The following ZPBP variants were observed in gnomAD, a reference collection of about 807,000 sequenced individuals.
ZPBP encodes zona pellucida binding protein.
A neutral mutation model predicts 44.8 loss-of-function variants in ZPBP; 26 were observed. The observed-to-expected ratio is 0.58, with a 90% CI of 0.43 to 0.81. The LOEUF (loss-of-function observed/expected upper bound fraction) is 0.81, where lower values mean the gene tolerates loss of function less well. Among genes scored for constraint, ZPBP ranks in the 30% least tolerant of loss-of-function variants. The pLI, the probability that ZPBP is intolerant of heterozygous loss-of-function variation, is 0.00. For synonymous variants in ZPBP, 174 were observed against 153.2 expected (o/e 1.14, Z -1.00); for missense variants, 409 against 434.0 (o/e 0.94, Z 0.51).
rs777010189 is a variant in ZPBP, at chr7:49,851,328, G to T, written n.510-814C>A. Among the ~76,000 whole-genome samples the T allele has an allele frequency of 2.6e-5, 4 of 152,214 alleles. No homozygotes were observed. In the East Asian group the frequency reaches 5.8e-4, roughly 22 times the overall value. On this transcript the variant is annotated intron_variant and non_coding_transcript_variant, in intron 2 of 2. Transcript: ENST00000465922. ...TTGCAAAAACCCTTTTCCAAATAAG[G>T]CCTCATTCATGGGTTCTCAGTGGAC...
At chr7:49,875,968 G>A (rs1362731127) in intron 2 of ZPBP, among the ~76,000 whole-genome samples, 1 of 152,158 alleles carries the variant, frequency 6.6e-6, no homozygotes, top group African/African-American at 2.4e-5. Flanking sequence ...AGAAATTGGT[G>A]TTGCATTGTG....
At chr7:49,979,108 C>T (rs796086320) in intron 7 of ZPBP, among the ~76,000 whole-genome samples, 5 of 151,698 alleles carry the variant, frequency 3.3e-5, no homozygotes, top group African/African-American at 1.2e-4. Flanking sequence ...CAAAATTCCC[C>T]CCCATAAACT....
At chr7:50,036,040 G>A (rs1033139277) in intron 4 of ZPBP, among the ~76,000 whole-genome samples, 2 of 152,176 alleles carry the variant, frequency 1.3e-5, no homozygotes, top group Non-Finnish European at 2.9e-5. Flanking sequence ...CACACCTGAA[G>A]AAACATTTGG....
At chr7:49,955,013 A>G (rs1351693) in intron 7 of ZPBP, among the ~76,000 whole-genome samples, 2,187 of 152,300 alleles carry the variant, frequency 0.014, 60 homozygotes, top group African/African-American at 0.05. Context: ...TTAATTGCAG[A>G]TTAACAAAAA....
chr7:49,917,869 T>G (rs965430809), intron 1 of ZPBP: 6 of 152,184 alleles, frequency 3.9e-5, no homozygotes, highest in African/African-American at 1.2e-4. Context: ...CCATTCCCTT[T>G]ACTTTTATAT....
intron 2 of ZPBP, among the ~76,000 whole-genome samples, chr7:49,892,037 T>C (rs1792156878): frequency 1.7e-5 from 2 of 118,500 alleles, no homozygotes; most frequent in Non-Finnish European, 3.6e-5. Context: ...GTAGATTTTT[T>C]TTTTTTTTTT....
chr7:49,981,382 A>AAAAT (rs1796896838), intron 7 of ZPBP, among the ~76,000 whole-genome samples: 1 of 12,204 alleles, frequency 8.2e-5, no homozygotes, highest in Non-Finnish European at 1.5e-4. Flanking sequence ...TATATTATAT[A>AAAAT]TAATTATATA....
intron 2 of ZPBP, among the ~76,000 whole-genome samples, chr7:49,877,642 G>A (rs1179548784): frequency 6.7e-6 from 1 of 148,432 alleles, no homozygotes; most frequent in Non-Finnish European, 1.5e-5. Flanking sequence ...TGATTTATCT[G>A]ATGATGATTT....
intron 5 of ZPBP, among the ~76,000 whole-genome samples, chr7:50,026,445 C>A (rs1373733712): frequency 2.0e-5 from 3 of 151,720 alleles, no homozygotes; most frequent in Non-Finnish European, 4.4e-5. Flanking sequence ...ATACACAGGA[C>A]CCTCCACCCA....
intron 7 of ZPBP, among the ~76,000 whole-genome samples, chr7:49,964,452 T>C (rs1041448454): frequency 1.3e-5 from 2 of 152,012 alleles, no homozygotes; most frequent in Non-Finnish European, 2.9e-5. Flanking sequence ...AAAGCCCACA[T>C]ACAAAATACA....
At chr7:50,016,536 C>A (rs1303422253) in intron 6 of ZPBP, among the ~76,000 whole-genome samples, 1 of 151,712 alleles carries the variant, frequency 6.6e-6, no homozygotes, top group Non-Finnish European at 1.5e-5. Flanking sequence ...GCACATGTAC[C>A]CCCTGAATGT....
Position 49,894,747 on chromosome 7 carries a change from C to A in ZPBP, n.509+6371G>T, listed in dbSNP as rs536492787. Among the ~76,000 whole-genome samples the A allele has an allele frequency of 4.6e-5, 7 of 152,192 alleles. No individual in the cohort carries two copies. The East Asian group carries it at 9.7e-4, about 21-fold the overall frequency. On this transcript the variant is annotated intron_variant and non_coding_transcript_variant, in intron 2 of 2. Coordinates refer to the ZPBP transcript ENST00000465922. ...TGTTTTGCTGGAGACACAGGAGCAG[C>A]CAGGAGGGGAGGCTCAACTAAAAAT...
chr7:49,908,489 C>T (rs1443126978), intron 1 of ZPBP, among the ~76,000 whole-genome samples: 3 of 152,142 alleles, frequency 2.0e-5, no homozygotes, highest in African/African-American at 7.2e-5. Flanking sequence ...AAAAGCCACA[C>T]ATAACACAAA....
intron 6 of ZPBP, 68 bp downstream of exon 6, chr7:50,018,172 T>C (rs150257748): frequency 1.1e-5 from 12 of 1,133,720 alleles, no homozygotes; most frequent in Non-Finnish European, 1.6e-5. Context: ...ATAGCTAGGA[T>C]GCTTACTTAC....
intron 1 of ZPBP, among the ~76,000 whole-genome samples, chr7:49,925,273 G>A (rs942901703): frequency 6.6e-6 from 1 of 152,216 alleles, no homozygotes; most frequent in Non-Finnish European, 1.5e-5. Flanking sequence ...CAGTGAGTAC[G>A]TATACATCCC....
chr7:49,958,747 T>C lies in ZPBP; in HGVS notation c.962-21125A>G, dbSNP rs774104198. On this transcript the variant is annotated intron_variant, in intron 7 of 7. Coordinates refer to ENST00000046087, the MANE Select transcript of ZPBP (RefSeq NM_007009.3). ...CTTTATTAGTGCAGGGATACACACA[T>C]AGATCAATGGAACAAGCTGGTAACC... Among the ~76,000 whole-genome samples the C allele has an allele frequency of 5.1e-4, 77 of 152,278 alleles. 3 individuals are homozygous for C. The highest frequency in any genetic ancestry group is 3.4e-3 in the Middle Eastern group (1 of 294).
intron 1 of ZPBP, among the ~76,000 whole-genome samples, chr7:49,902,634 T>C (rs1792829898): frequency 6.6e-6 from 1 of 150,848 alleles, no homozygotes; most frequent in African/African-American, 2.4e-5. Context: ...TAGATTTAAA[T>C]GTAAACCATA....
intron 6 of ZPBP, among the ~76,000 whole-genome samples, chr7:49,990,550 C>A (rs986024473): frequency 1.8e-4 from 28 of 151,806 alleles, no homozygotes; most frequent in Non-Finnish European, 1.0e-4. Context: ...ATGCACCCTG[C>A]AACCCTGGGA....
chr7:49,873,475 G>A (rs1339008340), intron 2 of ZPBP, among the ~76,000 whole-genome samples: 1 of 152,160 alleles, frequency 6.6e-6, no homozygotes, highest in Admixed American at 6.5e-5. Flanking sequence ...CACCTAGGGG[G>A]TTAACATTTC....
Sources: gnomAD v4.1 joint callset for allele counts (sites outside exome capture counted in the v4.1 genomes callset) on GRCh38, gnomAD v4.1.1 for gene constraint, MANE v1.5 for transcripts, NCBI Gene and HGNC (gene_info 2026-07-23, HGNC 2026-07-21) for gene names.